The following ENAH variants were observed in gnomAD, a reference collection of about 807,000 sequenced individuals.
ENAH encodes ENAH actin regulator.
ENAH carries 23 observed loss-of-function variants against 78.7 expected under a neutral mutation model. The observed-to-expected ratio is 0.29, with a 90% confidence interval of 0.21 to 0.41. ENAH has a LOEUF of 0.41. ENAH is among the 10% of genes least tolerant of loss of function. The pLI, the probability that ENAH is intolerant of heterozygous loss-of-function variation, is 1.00. For synonymous variants in ENAH, 226 were observed against 241.0 expected, an observed-to-expected ratio of 0.94 and a Z score of 0.58; for missense variants, 544 against 691.0, an observed-to-expected ratio of 0.79 and a Z score of 2.39.
At chr1:225,543,605 T>G (rs1451081715) in intron 3 of ENAH, among the ~76,000 whole-genome samples, 1 of 152,146 alleles carries the variant, frequency 6.6e-6, no homozygotes, top group Admixed American at 6.5e-5. Context: ...GTGGATATTT[T>G]TGACCATGAC....
chr1:225,543,475 A>C (rs945876180), intron 3 of ENAH, among the ~76,000 whole-genome samples: 59 of 152,376 alleles, frequency 3.9e-4, no homozygotes, highest in Admixed American at 3.2e-3. Flanking sequence ...AAATTACAAA[A>C]GCTCACATAA....
intron 1 of ENAH, among the ~76,000 whole-genome samples, chr1:225,570,836 A>ATG (rs1400838247): frequency 6.6e-6 from 1 of 151,764 alleles, no homozygotes; most frequent in African/African-American, 2.4e-5. Context: ...GGTGGCGAGC[A>ATG]CCTGTAATCC....
rs1479534733 is a variant in ENAH, at chr1:225,493,394, C to T, written c.*4381G>A. The stretch of plus-strand genomic sequence containing the variant: ...GTCTTTACATAGCCAAAGCTACCTA[C>T]ATCAATTTCATTCCTTCAGAGTCAT... On this transcript the variant is annotated 3_prime_UTR_variant, in exon 14 of 14. Transcript: ENST00000366843. 1 of 152,204 alleles carries T rather than the reference C, an allele frequency of 6.6e-6. No individual in the cohort carries two copies. Among genetic ancestry groups the T allele is most frequent in the Admixed American group, 6.5e-5 (1 of 15,272 alleles). 9.4% of individuals were successfully genotyped at this position (152,204 alleles called of 1,614,324 possible).
chr1:225,627,784 T>C (rs1658218175), intron 1 of ENAH, among the ~76,000 whole-genome samples: 1 of 152,158 alleles, frequency 6.6e-6, no homozygotes, highest in African/African-American at 2.4e-5. Context: ...GGCTACTGAA[T>C]GTAACTTTCA....
chr1:225,593,400 T>TGGGGGGGGGGGGG (rs1456095465), intron 1 of ENAH, among the ~76,000 whole-genome samples: 1 of 20,442 alleles, frequency 4.9e-5, no homozygotes, highest in Non-Finnish European at 9.2e-5. Flanking sequence ...TGTGTGTGTG[T>TGGGGGGGGGGGGG]GGGGGGGGGG....
At chr1:225,555,573 C>G (rs903729197) in intron 2 of ENAH, among the ~76,000 whole-genome samples, 6 of 149,594 alleles carry the variant, frequency 4.0e-5, no homozygotes, top group Non-Finnish European at 7.4e-5. Context: ...TAGAGCGAGA[C>G]TCTGTCTCAA....
At chr1:225,617,357 T>C (rs1345207310) in intron 1 of ENAH, among the ~76,000 whole-genome samples, 1 of 152,182 alleles carries the variant, frequency 6.6e-6, no homozygotes. Flanking sequence ...TATCCTTTCA[T>C]ACCACAAAAG....
intron 1 of ENAH, among the ~76,000 whole-genome samples, chr1:225,614,381 C>A (rs555896648): frequency 4.6e-5 from 7 of 152,198 alleles, no homozygotes; most frequent in African/African-American, 1.7e-4. Context: ...TTAAAGGATA[C>A]AAATGAATAG....
intron 1 of ENAH, among the ~76,000 whole-genome samples, chr1:225,625,544 T>A (rs965356198): frequency 6.6e-6 from 1 of 152,226 alleles, no homozygotes; most frequent in Non-Finnish European, 1.5e-5. Flanking sequence ...TTTTTTGAGA[T>A]GGAATTTCGC....
Position 225,652,763 on chromosome 1 carries a change from C to G in ENAH, c.-73G>C. 3 of 1,254,482 alleles carry G rather than the reference C, an allele frequency of 2.4e-6. No individual in the cohort carries two copies. The highest frequency in any genetic ancestry group is 3.0e-6 in the Non-Finnish European group (3 of 989,524). The allele number at this position is 1,254,482 out of a possible 1,614,324, so 77.7% of individuals were successfully genotyped here. ...GCGCCGAGCCGAGGGGGGGGTCTCT[C>G]CTCCAGGGGTGGGGAGCAGCTCGGA... On this transcript the variant is annotated 5_prime_UTR_variant, in exon 1 of 14. Transcript: ENST00000366843.
At chr1:225,560,978 G>A (rs953208527) in intron 2 of ENAH, among the ~76,000 whole-genome samples, 1 of 152,212 alleles carries the variant, frequency 6.6e-6, no homozygotes, top group Non-Finnish European at 1.5e-5. Context: ...GCTCATGCCT[G>A]TAATCCCAGC....
chr1:225,597,637 G>A (rs527335561), intron 1 of ENAH, among the ~76,000 whole-genome samples: 2 of 133,604 alleles, frequency 1.5e-5, no homozygotes, highest in Admixed American at 8.5e-5. Flanking sequence ...CAGCCTGGGC[G>A]ACAGTGCAAG....
intron 1 of ENAH, among the ~76,000 whole-genome samples, chr1:225,600,151 A>AC (rs2096923377): frequency 6.6e-6 from 1 of 152,198 alleles, no homozygotes. Context: ...TTTATAAATT[A>AC]CCTAGTCTCA....
intron 2 of ENAH, among the ~76,000 whole-genome samples, chr1:225,556,222 A>C (rs944748585): frequency 2.0e-5 from 3 of 152,222 alleles, no homozygotes; most frequent in Non-Finnish European, 4.4e-5. Flanking sequence ...TTTGTTGGGC[A>C]TATACCCAGG....
chr1:225,649,989 G>T (rs935760825), intron 1 of ENAH, among the ~76,000 whole-genome samples: 2 of 152,116 alleles, frequency 1.3e-5, no homozygotes, highest in East Asian at 3.8e-4. Flanking sequence ...TAACATTAAC[G>T]TCCCACAGGA....
chr1:225,510,174 C>T (rs1362941638), intron 10 of ENAH, among the ~76,000 whole-genome samples: 1 of 152,148 alleles, frequency 6.6e-6, no homozygotes, highest in Non-Finnish European at 1.5e-5. Context: ...AAAACAGGCC[C>T]TGCCCTTTTT....
intron 3 of ENAH, among the ~76,000 whole-genome samples, chr1:225,534,493 A>T (rs1225798919): frequency 2.0e-5 from 3 of 152,086 alleles, no homozygotes; most frequent in African/African-American, 7.2e-5. Flanking sequence ...ATTTTAAAAT[A>T]ATTCTCTTCA....
At chr1:225,608,713 G>A (rs1432227087) in intron 1 of ENAH, among the ~76,000 whole-genome samples, 1 of 151,028 alleles carries the variant, frequency 6.6e-6, no homozygotes, top group African/African-American at 2.4e-5. Context: ...CCACTCAGGA[G>A]GCTGAGGCAG....
chr1:225,607,292 G>A (rs145069636), intron 1 of ENAH, among the ~76,000 whole-genome samples: 2 of 152,236 alleles, frequency 1.3e-5, no homozygotes, highest in East Asian at 1.9e-4. Flanking sequence ...AATTTGTGTT[G>A]AGCCACATTC....
Sources: gnomAD v4.1 joint callset for allele counts (sites outside exome capture counted in the v4.1 genomes callset) on GRCh38, gnomAD v4.1.1 for gene constraint, MANE v1.5 for transcripts, NCBI Gene and HGNC (gene_info 2026-07-23, HGNC 2026-07-21) for gene names.